Variants in MAGI1 observed in about 807,000 individuals in gnomAD.
MAGI1 encodes the protein membrane-associated guanylate kinase, WW and PDZ domain-containing protein 1.
In MAGI1, 58 loss-of-function variants were observed where a neutral mutation model predicts 139.9. The observed-to-expected ratio is 0.41, with a 90% CI of 0.34 to 0.52. The LOEUF (loss-of-function observed/expected upper bound fraction) is 0.52. Ranked by LOEUF, MAGI1 falls within the 20% of genes least tolerant of loss-of-function variation. MAGI1 has a pLI of 0.12. For synonymous variants in MAGI1, 812 were observed against 737.9 expected, an observed-to-expected ratio of 1.10 and a Z score of -1.63; for missense variants, 1,874 against 1,901.6, an observed-to-expected ratio of 0.99 and a Z score of 0.27.
At chr3:65,791,246 C>G (rs1039417285) in intron 1 of MAGI1, among the ~76,000 whole-genome samples, 9 of 152,182 alleles carry the variant, frequency 5.9e-5, no homozygotes, top group African/African-American at 1.9e-4. Flanking sequence ...GGGAAGAACA[C>G]ACACTCTCCT....
intron 1 of MAGI1, among the ~76,000 whole-genome samples, chr3:65,972,253 A>AT (rs751406426): frequency 1.3e-5 from 2 of 152,244 alleles, no homozygotes; most frequent in East Asian, 3.8e-4. Context: ...GGTTTATAAC[A>AT]TAAAGCCATT....
intron 12 of MAGI1, among the ~76,000 whole-genome samples, chr3:65,424,610 C>G (rs912420991): frequency 1.3e-5 from 2 of 152,246 alleles, no homozygotes; most frequent in African/African-American, 4.8e-5. Context: ...TCTCCAATAG[C>G]AAGTCCCCTT....
intron 1 of MAGI1, among the ~76,000 whole-genome samples, chr3:65,703,978 T>C (rs932657480): frequency 1.3e-5 from 2 of 152,216 alleles, no homozygotes; most frequent in African/African-American, 4.8e-5. Context: ...GTGAGTTTTT[T>C]TGGGAAGCTG....
At chr3:65,534,715 T>C (rs1293193947) in intron 2 of MAGI1, among the ~76,000 whole-genome samples, 1 of 152,164 alleles carries the variant, frequency 6.6e-6, no homozygotes, top group Non-Finnish European at 1.5e-5. Context: ...GTGAGAACAC[T>C]GACGATGATG....
intron 22 of MAGI1, chr3:65,359,032 C>G (rs1940503661): frequency 1.9e-6 from 3 of 1,590,028 alleles, no homozygotes; most frequent in South Asian, 2.2e-5. Context: ...GGCCACAGCA[C>G]AGAAACACCT....
At chr3:65,792,506 GT>G (rs10710743) in intron 1 of MAGI1, among the ~76,000 whole-genome samples, 40,998 of 151,754 alleles carry the variant, frequency 0.27, 6,161 homozygotes, top group East Asian at 0.42. Flanking sequence ...AACTAATACA[GT>G]TTTTTATTAA....
chr3:65,476,603 TAAATAGAGGAC>T (rs1209828402), intron 4 of MAGI1, among the ~76,000 whole-genome samples: 1 of 152,180 alleles, frequency 6.6e-6, no homozygotes, highest in East Asian at 1.9e-4. Flanking sequence ...ATCTATTTAA[TAAATAGAGGAC>T]AAATACAGGC....
chr3:65,636,759 G>A (rs1017760458), intron 1 of MAGI1, among the ~76,000 whole-genome samples: 1 of 151,376 alleles, frequency 6.6e-6, no homozygotes, highest in Non-Finnish European at 1.5e-5. Flanking sequence ...TTTATTTTCT[G>A]TCTTGTCATT....
intron 2 of MAGI1, among the ~76,000 whole-genome samples, chr3:65,569,271 G>C (rs1278158180): frequency 1.3e-5 from 2 of 152,276 alleles, no homozygotes; most frequent in Non-Finnish European, 2.9e-5. Context: ...GGTTACCAGG[G>C]GCGAGAGGGA....
chr3:65,411,115 C>T (rs571121589), intron 12 of MAGI1, among the ~76,000 whole-genome samples: 59 of 152,248 alleles, frequency 3.9e-4, no homozygotes, highest in South Asian at 1.0e-3. Context: ...AGGTAATATT[C>T]CTACCAAGAT....
At chr3:65,805,002 A>G (rs2040760554) in intron 1 of MAGI1, among the ~76,000 whole-genome samples, 1 of 152,228 alleles carries the variant, frequency 6.6e-6, no homozygotes, top group Non-Finnish European at 1.5e-5. Flanking sequence ...AAATCTAGGC[A>G]ATATGATTCA....
intron 1 of MAGI1, among the ~76,000 whole-genome samples, chr3:65,678,547 T>A (rs915684291): frequency 6.6e-6 from 1 of 151,966 alleles, no homozygotes. Flanking sequence ...TGGCCCTGAG[T>A]GGAGGGAACA....
chr3:65,736,750 A>G lies in MAGI1; in HGVS notation c.314-114662T>C, dbSNP rs139702626. ...AAAGGACTGGATGATGCCCATCCAC[A>G]TTGGTGATGGCAGATCTTCTTTACT... On this transcript the variant is annotated intron_variant, in intron 1 of 22. Coordinates refer to ENST00000402939, the MANE Select transcript of MAGI1 (RefSeq NM_001033057.2). 1.7e-3 allele frequency among the ~76,000 whole-genome samples: 260 copies of G among 152,354 alleles called. 1 individual carries two copies. The highest frequency in any genetic ancestry group is 3.3e-3 in the Non-Finnish European group (224 of 68,034).
intron 1 of MAGI1, among the ~76,000 whole-genome samples, chr3:65,842,680 A>G (rs186794587): frequency 1.3e-5 from 2 of 152,292 alleles, no homozygotes; most frequent in Admixed American, 6.5e-5. Context: ...TACTTCTAAC[A>G]TAAAATTTAA....
intron 1 of MAGI1, among the ~76,000 whole-genome samples, chr3:65,672,535 G>T (rs545274729): frequency 1.3e-5 from 2 of 152,218 alleles, no homozygotes; most frequent in South Asian, 4.1e-4. Flanking sequence ...AAAGTGCCTG[G>T]GGTTGTTAAA....
chr3:65,482,353 T>A lies in MAGI1; in HGVS notation c.551-3555A>T, dbSNP rs1386250409. Among the ~76,000 whole-genome samples the A allele has an allele frequency of 2.0e-5, 3 of 152,204 alleles. No individual in the cohort carries two copies. In the East Asian group the frequency reaches 5.8e-4, roughly 29 times the overall value. The stretch of plus-strand genomic sequence containing the variant: ...TGCTACCTAAAGTTGCTATCACATG[T>A]TTTCAGTCTTTAAAATGACACCCAT... On this transcript the variant is annotated intron_variant, in intron 3 of 22. Transcript: ENST00000402939.
intron 2 of MAGI1, among the ~76,000 whole-genome samples, chr3:65,564,282 T>C (rs1355219093): frequency 6.6e-6 from 1 of 151,856 alleles, no homozygotes; most frequent in Non-Finnish European, 1.5e-5. Flanking sequence ...GCAGAACAAA[T>C]CTATTTTCAA....
At chr3:65,673,942 G>A (rs141406106) in intron 1 of MAGI1, among the ~76,000 whole-genome samples, 379 of 152,132 alleles carry the variant, frequency 2.5e-3, no homozygotes, top group South Asian at 7.3e-3. Context: ...GAGTCACCTC[G>A]TATTTAAGCA....
chr3:65,492,941 G>A (rs897701661), intron 3 of MAGI1, among the ~76,000 whole-genome samples: 12 of 152,066 alleles, frequency 7.9e-5, no homozygotes, highest in Admixed American at 5.9e-4. Flanking sequence ...AGCCGGGCAT[G>A]GTGGCAGGCG....
Sources: allele counts gnomAD v4.1 joint callset (sites outside exome capture counted in the v4.1 genomes callset), GRCh38; gene constraint gnomAD v4.1.1; transcripts MANE v1.5; gene names NCBI Gene and HGNC (gene_info 2026-07-23, HGNC 2026-07-21).